CALN1: variants seen among roughly 807,000 people sequenced by gnomAD.
CALN1 encodes the protein calcium-binding protein 8.
A neutral mutation model predicts 30.6 loss-of-function variants in CALN1; 17 were observed. The observed-to-expected ratio is 0.56, with a 90% CI of 0.38 to 0.83. CALN1 has a LOEUF of 0.83. Among genes scored for constraint, CALN1 ranks in the 40% least tolerant of loss-of-function variants. CALN1 has a pLI of 0.00. For synonymous variants in CALN1, 156 were observed against 131.4 expected (o/e 1.19, Z -1.28); for missense variants, 291 against 354.9 (o/e 0.82, Z 1.45).
chr7:72,274,926 A>G (rs1188468284), intron 3 of CALN1, among the ~76,000 whole-genome samples: 2 of 152,108 alleles, frequency 1.3e-5, no homozygotes, highest in African/African-American at 4.8e-5. Flanking sequence ...AGAAATAGGG[A>G]CTTCCCAGAA....
At chr7:72,367,664 CAAATAAAAATAA>C (rs370438761) in intron 2 of CALN1, among the ~76,000 whole-genome samples, 1 of 151,914 alleles carries the variant, frequency 6.6e-6, no homozygotes. Flanking sequence ...CAGGTCTCTA[CAAATAAAAATAA>C]AAATAAAAAT....
Position 72,270,092 on chromosome 7 carries a change from C to CGTGT in CALN1, c.244+8590_244+8593dup, listed in dbSNP as rs538948120. The stretch of plus-strand genomic sequence containing the variant: ...GATCTGAAAAAAATTTGGGTGTTTC[C>CGTGT]GTGTGTGTGTGTGTGTATGTATGTG... On this transcript the variant is annotated intron_variant, in intron 3 of 6. Coordinates refer to ENST00000395275, the MANE Select transcript of CALN1 (RefSeq NM_031468.4). 2.4e-3 allele frequency among the ~76,000 whole-genome samples: 358 copies of CGTGT among 149,732 alleles called. 2 individuals carry two copies. The highest frequency in any genetic ancestry group is 0.017 in the Middle Eastern group (5 of 294).
chr7:72,381,663 A>G (rs915554160), intron 2 of CALN1, among the ~76,000 whole-genome samples: 3 of 152,170 alleles, frequency 2.0e-5, no homozygotes, highest in African/African-American at 7.2e-5. Flanking sequence ...GAACGTATGG[A>G]AACAGGGAGA....
At chr7:72,165,787 G>A (rs910203618) in intron 3 of CALN1, among the ~76,000 whole-genome samples, 5 of 151,870 alleles carry the variant, frequency 3.3e-5, no homozygotes, top group Non-Finnish European at 7.4e-5. Context: ...TAGATAAAAT[G>A]CAGGGAAGAA....
chr7:72,286,905 A>C lies in CALN1; in HGVS notation c.120-8095T>G, dbSNP rs146143241. On this transcript the variant is annotated intron_variant, in intron 2 of 6. Transcript: ENST00000395275. ...AAGGTGTCTATGACACAGGAATGCAAATTCATAAAGAAATATCAGAGTGAG... is the reference window on the plus strand; with the variant it reads ...AAGGTGTCTATGACACAGGAATGCACATTCATAAAGAAATATCAGAGTGAG... 4.7e-3 allele frequency among the ~76,000 whole-genome samples: 713 copies of C among 152,358 alleles called. 7 individuals carry two copies. Among genetic ancestry groups the C allele is most frequent in the African/African-American group, 0.016 (650 of 41,588 alleles).
chr7:72,129,406 T>C (rs532662600), intron 3 of CALN1, among the ~76,000 whole-genome samples: 2 of 152,300 alleles, frequency 1.3e-5, no homozygotes, highest in South Asian at 2.1e-4. Context: ...TAGAATAATA[T>C]ATGAACCAGG....
At chr7:71,814,316 G>A (rs377633490) in intron 5 of CALN1, among the ~76,000 whole-genome samples, 17 of 152,160 alleles carry the variant, frequency 1.1e-4, no homozygotes, top group African/African-American at 4.1e-4. Flanking sequence ...AAGGGTGAGG[G>A]GTAATTTGAC....
chr7:71,869,063 A>T (rs1791766849), intron 5 of CALN1, among the ~76,000 whole-genome samples: 1 of 152,138 alleles, frequency 6.6e-6, no homozygotes, highest in Non-Finnish European at 1.5e-5. Context: ...AACCTCAGTG[A>T]GTCACTACCA....
the CALN1 span, among the ~76,000 whole-genome samples, chr7:72,497,104 A>G: frequency 2.0e-5 from 3 of 152,184 alleles, no homozygotes; most frequent in Admixed American, 6.5e-5. Context: ...AGGGAAAAAA[A>G]GCTGAGCAGA....
At chr7:72,393,357 G>A (rs548898882) in intron 2 of CALN1, among the ~76,000 whole-genome samples, 64 of 152,050 alleles carry the variant, frequency 4.2e-4, no homozygotes, top group Non-Finnish European at 8.1e-4. Flanking sequence ...CCAGCTACTC[G>A]GGAGGCTGAG....
intron 3 of CALN1, among the ~76,000 whole-genome samples, chr7:72,206,435 C>G (rs1230558160): frequency 1.3e-5 from 2 of 152,104 alleles, no homozygotes; most frequent in Non-Finnish European, 2.9e-5. Context: ...TTACTTCTGC[C>G]TCTTACTGCT....
chr7:72,193,079 T>C (rs1308893129), intron 3 of CALN1, among the ~76,000 whole-genome samples: 1 of 151,718 alleles, frequency 6.6e-6, no homozygotes, highest in Non-Finnish European at 1.5e-5. Context: ...TCCCAGCTAC[T>C]TGGGAGGCTG....
chr7:71,929,710 G>C (rs1039308535), intron 5 of CALN1, among the ~76,000 whole-genome samples: 1 of 152,176 alleles, frequency 6.6e-6, no homozygotes. Context: ...GAATATTCTT[G>C]TATATGGTTT....
chr7:72,434,753 C>T (rs750797465), intron 1 of CALN1, among the ~76,000 whole-genome samples: 15 of 152,174 alleles, frequency 9.9e-5, no homozygotes, highest in African/African-American at 1.9e-4. Context: ...TCTCTGAAAA[C>T]GAGTAAACAT....
intron 3 of CALN1, among the ~76,000 whole-genome samples, chr7:72,261,118 GC>G (rs1252456455): frequency 1.3e-5 from 2 of 152,108 alleles, no homozygotes; most frequent in Non-Finnish European, 2.9e-5. Context: ...GACCAGCTGG[GC>G]CAACATAGTG....
intron 3 of CALN1, among the ~76,000 whole-genome samples, chr7:72,185,866 G>A (rs1044562896): frequency 6.6e-6 from 1 of 152,188 alleles, no homozygotes; most frequent in African/African-American, 2.4e-5. Flanking sequence ...CCCCATGATT[G>A]CGAGGCTTTC....
At chr7:71,906,065 T>C (rs971373104) in intron 5 of CALN1, among the ~76,000 whole-genome samples, 4 of 152,166 alleles carry the variant, frequency 2.6e-5, no homozygotes, top group African/African-American at 7.2e-5. Context: ...GACCCCATGA[T>C]TGAGTCACCT....
At chr7:71,872,426 C>A (rs1304194599) in intron 5 of CALN1, among the ~76,000 whole-genome samples, 1 of 152,094 alleles carries the variant, frequency 6.6e-6, no homozygotes, top group Non-Finnish European at 1.5e-5. Context: ...TGTTTCCTTG[C>A]AATTTCAATG....
At chr7:71,868,898 A>G (rs1791756485) in intron 5 of CALN1, among the ~76,000 whole-genome samples, 1 of 152,216 alleles carries the variant, frequency 6.6e-6, no homozygotes, top group South Asian at 2.1e-4. Flanking sequence ...GTAGCCTAAG[A>G]ATAGAGGTTC....
Sources: allele counts gnomAD v4.1 joint callset (sites outside exome capture counted in the v4.1 genomes callset), GRCh38; gene constraint gnomAD v4.1.1; transcripts MANE v1.5; gene names NCBI Gene and HGNC (gene_info 2026-07-23, HGNC 2026-07-21).